Variants in CPE observed in about 807,000 individuals in gnomAD.
CPE encodes carbocypeptidase E.
In CPE, 17 loss-of-function variants were observed where a neutral mutation model predicts 53.5. The observed-to-expected ratio is 0.32, with a 90% CI of 0.22 to 0.48. The LOEUF is 0.48. CPE is among the 20% of genes least tolerant of loss of function. The pLI is 0.99. For synonymous variants in CPE, 226 were observed against 228.8 expected (o/e 0.99, Z 0.11); for missense variants, 524 against 614.7 (o/e 0.85, Z 1.56).
At chr4:165,389,303 T>C (rs1730644016) in intron 1 of CPE, among the ~76,000 whole-genome samples, 1 of 152,226 alleles carries the variant, frequency 6.6e-6, no homozygotes, top group East Asian at 1.9e-4. Context: ...TTTATATTTA[T>C]AGATTTCACT....
intron 1 of CPE, chr4:165,406,290 C>T (rs906869103): frequency 6.3e-5 from 37 of 591,416 alleles, no homozygotes; most frequent in South Asian, 2.4e-4. Context: ...ACCTTGGGAG[C>T]GGAGGATCCT....
intron 3 of CPE, among the ~76,000 whole-genome samples, chr4:165,478,777 C>A (rs1214996667): frequency 6.6e-6 from 1 of 152,190 alleles, no homozygotes; most frequent in Non-Finnish European, 1.5e-5. Flanking sequence ...CTTGGCATGG[C>A]TTTGCCTCCT....
chr4:165,424,425 T>C (rs530018845), intron 1 of CPE, among the ~76,000 whole-genome samples: 1 of 152,228 alleles, frequency 6.6e-6, no homozygotes, highest in East Asian at 1.9e-4. Flanking sequence ...ATTACCATAA[T>C]TATCATGTTT....
intron 1 of CPE, among the ~76,000 whole-genome samples, chr4:165,384,361 C>T (rs1730553158): frequency 6.6e-6 from 1 of 152,206 alleles, no homozygotes; most frequent in South Asian, 2.1e-4. Context: ...TTCCTCCTCT[C>T]CCGCTGGCTG....
At chr4:165,454,908 A>G (rs1004046716) in intron 1 of CPE, among the ~76,000 whole-genome samples, 2 of 152,164 alleles carry the variant, frequency 1.3e-5, no homozygotes, top group Non-Finnish European at 2.9e-5. Flanking sequence ...GATGTTTAAG[A>G]GGTTATCTAG....
intron 1 of CPE, among the ~76,000 whole-genome samples, chr4:165,447,922 C>G (rs1731745480): frequency 6.6e-6 from 1 of 152,074 alleles, no homozygotes; most frequent in African/African-American, 2.4e-5. Flanking sequence ...ATCTTCAGAT[C>G]CATTATAATC....
chr4:165,489,039 A>G (rs1732556681), intron 6 of CPE, among the ~76,000 whole-genome samples: 2 of 152,206 alleles, frequency 1.3e-5, no homozygotes, highest in African/African-American at 4.8e-5. Context: ...ATGTTAGCTT[A>G]AAAAGGTATT....
At chr4:165,466,174 T>C (rs1732100288) in intron 2 of CPE, among the ~76,000 whole-genome samples, 1 of 152,214 alleles carries the variant, frequency 6.6e-6, no homozygotes, top group African/African-American at 2.4e-5. Context: ...GGCTATGTGA[T>C]ATAGCCCATG....
At chr4:165,395,943 T>G (rs915533483) in intron 1 of CPE, among the ~76,000 whole-genome samples, 4 of 152,190 alleles carry the variant, frequency 2.6e-5, no homozygotes, top group African/African-American at 9.6e-5. Flanking sequence ...AAACAAAAAC[T>G]ATTGGCTTTC....
chr4:165,409,711 C>T (rs112010501), intron 1 of CPE, among the ~76,000 whole-genome samples: 110 of 152,076 alleles, frequency 7.2e-4, no homozygotes, highest in Middle Eastern at 6.8e-3. Flanking sequence ...GTGATCTTAT[C>T]CTGGAACAAA....
intron 1 of CPE, among the ~76,000 whole-genome samples, chr4:165,398,410 A>C: frequency 6.6e-6 from 1 of 152,218 alleles, no homozygotes; most frequent in East Asian, 1.9e-4. Flanking sequence ...ATATAGGTAC[A>C]TATATACATA....
intron 3 of CPE, among the ~76,000 whole-genome samples, chr4:165,481,291 CA>C (rs956698959): frequency 9.9e-5 from 15 of 152,232 alleles, no homozygotes; most frequent in Middle Eastern, 3.4e-3. Context: ...AATATCTTTG[CA>C]TATCCAATAC....
intron 1 of CPE, among the ~76,000 whole-genome samples, chr4:165,409,704 A>T (rs1400620140): frequency 1.3e-5 from 2 of 152,152 alleles, no homozygotes; most frequent in East Asian, 3.9e-4. Flanking sequence ...TACTGTGGTG[A>T]TCTTATCCTG....
At chr4:165,487,636 AAT>A (rs1732530527) in intron 6 of CPE, 59 bp downstream of exon 6, 1 of 1,589,460 alleles carries the variant, frequency 6.3e-7, no homozygotes, top group African/African-American at 1.3e-5. Flanking sequence ...CCTGTCCTAC[AAT>A]GGTCTTGTAA....
intron 1 of CPE, among the ~76,000 whole-genome samples, chr4:165,424,373 G>T (rs1731281035): frequency 6.7e-6 from 1 of 148,960 alleles, no homozygotes; most frequent in Non-Finnish European, 1.5e-5. Context: ...TAATGTCTTA[G>T]GCTTTTTTCT....
chr4:165,444,316 G>T (rs1188452459), intron 1 of CPE, among the ~76,000 whole-genome samples: 1 of 152,006 alleles, frequency 6.6e-6, no homozygotes, highest in Non-Finnish European at 1.5e-5. Context: ...ATTAGAAGGG[G>T]TACTGCATTT....
chr4:165,380,576 A>C (rs1438010495), intron 1 of CPE, among the ~76,000 whole-genome samples: 1 of 152,208 alleles, frequency 6.6e-6, no homozygotes, highest in Non-Finnish European at 1.5e-5. Flanking sequence ...TGGATGCTTA[A>C]TTTTTGTTTA....
intron 1 of CPE, among the ~76,000 whole-genome samples, chr4:165,384,220 A>G (rs1044027804): frequency 2.0e-5 from 3 of 152,258 alleles, no homozygotes; most frequent in Non-Finnish European, 4.4e-5. Flanking sequence ...TTTGATAGGC[A>G]TTATGTAAAC....
chr4:165,424,596 C>G (rs1032375809), intron 1 of CPE, among the ~76,000 whole-genome samples: 43 of 152,046 alleles, frequency 2.8e-4, no homozygotes, highest in Non-Finnish European at 5.9e-4. Flanking sequence ...TGCAGTGGCA[C>G]CATCTCGGCT....
Sources: gnomAD v4.1 joint callset for allele counts (sites outside exome capture counted in the v4.1 genomes callset) on GRCh38, gnomAD v4.1.1 for gene constraint, MANE v1.5 for transcripts, NCBI Gene and HGNC (gene_info 2026-07-23, HGNC 2026-07-21) for gene names.